ATAD5: variants seen among roughly 807,000 people sequenced by gnomAD.
ATAD5 encodes ATPase family AAA domain containing 5.
ATAD5 carries 58 observed loss-of-function variants against 176.9 expected under a neutral mutation model. The ratio of observed to expected loss-of-function variants is 0.33; its 90% CI spans 0.27 to 0.41. The LOEUF (loss-of-function observed/expected upper bound fraction) is 0.41. Ranked by LOEUF, ATAD5 falls within the 10% of genes least tolerant of loss-of-function variation. ATAD5 has a pLI of 1.00. For missense variants in ATAD5, 1,789 were observed against 2,094.1 expected, an observed-to-expected ratio of 0.85 and a Z score of 2.84; for synonymous variants, 640 against 712.6, an observed-to-expected ratio of 0.90 and a Z score of 1.62.
Position 30,873,715 on chromosome 17 carries a change from G to A in ATAD5, c.3608-2659G>A, listed in dbSNP as rs527501665. Among the ~76,000 whole-genome samples, 404 of 134,288 alleles carry A rather than the reference G, an allele frequency of 3.0e-3. 3 individuals are homozygous for A. The highest frequency in any genetic ancestry group is 0.012 in the African/African-American group (375 of 31,108). The allele number at this position is 134,288 out of a possible 152,430, so 88.1% of individuals were successfully genotyped here. On this transcript the variant is annotated intron_variant, in intron 14 of 22. Coordinates refer to ENST00000321990, the MANE Select transcript of ATAD5 (RefSeq NM_024857.5). ...TTTTTTTTTTTTTTTTTGAAAAGAC[G>A]GGGTCTTCCTCTGTTGCCAAGGTTG...
intron 19 of ATAD5, among the ~76,000 whole-genome samples, chr17:30,889,822 GT>G (rs761964765): frequency 7.0e-6 from 1 of 143,252 alleles, no homozygotes; most frequent in African/African-American, 2.6e-5. Context: ...ATCCTTATCA[GT>G]TTTTTCTTCT....
In ATAD5 at chr17:30,835,539, A is replaced by C. The variant is rs374518062; in HGVS notation, c.1458A>C (p.Leu486Phe). The C allele has an allele frequency of 6.2e-7, 1 of 1,609,220 alleles. No homozygotes were observed. The highest frequency in any genetic ancestry group is 1.7e-5 in the Admixed American group (1 of 59,038). ...KKLKKKNKKT[L>F]DTGAIPGKNR... is the part of the protein sequence containing the mutation. ...TAAAGAAGAAGAATAAGAAAACATTAGATACTGGGGCTATTCCAGGCAAAA... is the reference window on the plus strand; with the variant it reads ...TAAAGAAGAAGAATAAGAAAACATTCGATACTGGGGCTATTCCAGGCAAAA... The change falls in exon 2 of 23, where the codon TTA (leucine) becomes TTC (phenylalanine). Residue 486 changes from leucine to phenylalanine, a missense_variant. This residue lies in a region of ATAD5 where 696 missense variants were observed against 712.5 expected (regional missense o/e 0.98). Transcript: ENST00000321990.
intron 14 of ATAD5, among the ~76,000 whole-genome samples, chr17:30,873,340 ACGGAGTCTTGCT>A (rs1908450073): frequency 7.2e-6 from 1 of 139,364 alleles, no homozygotes; most frequent in South Asian, 2.2e-4. Flanking sequence ...TTTTTTTGAG[ACGGAGTCTTGCT>A]CTGTCACGAG....
Position 30,835,519 on chromosome 17 carries a change from A to C in ATAD5, c.1438A>C (p.Lys480Gln), listed in dbSNP as rs920737223. ...GAAGGAGAAAAATAAAAAGCTAAAG[A>C]AGAAGAATAAGAAAACATTAGATAC... The part of the protein sequence containing the change: ...FLKEKNKKLK[K>Q]KNKKTLDTGA... Residue 480 changes from lysine (K) to glutamine (Q), a missense_variant, in exon 2 of 23, where the codon AAG becomes CAG. Physicochemically the swap from Lys to Gln is moderately conservative, Grantham distance 53. Coordinates refer to ENST00000321990, the MANE Select transcript of ATAD5 (RefSeq NM_024857.5). 4 of 1,606,512 alleles carry C rather than the reference A, an allele frequency of 2.5e-6. No homozygotes were observed. The highest frequency in any genetic ancestry group is 3.4e-6 in the Non-Finnish European group (4 of 1,178,348).
At chr17:30,849,673 C>T (rs1906750237) in intron 6 of ATAD5, among the ~76,000 whole-genome samples, 3 of 152,010 alleles carry the variant, frequency 2.0e-5, no homozygotes, top group Middle Eastern at 3.4e-3. Flanking sequence ...TTTATATATT[C>T]TGACTACATG....
In ATAD5 at chr17:30,856,990, C is replaced by T; in HGVS notation, c.2671C>T (p.Pro891Ser). The T allele has an allele frequency of 6.2e-7, 1 of 1,601,034 alleles. No homozygotes were observed. The highest frequency in any genetic ancestry group is 1.1e-5 in the South Asian group (1 of 87,852). The change falls in exon 8 of 23, where the codon CCT (proline) becomes TCT (serine). Residue 891 changes from proline to serine, a missense_variant. By Grantham distance (74) the Pro-to-Ser change is moderately conservative (BLOSUM62 -1). Coordinates refer to ENST00000321990, the MANE Select transcript of ATAD5 (RefSeq NM_024857.5). ...GTGGCATTTGAAACCACCCTCTTGT[C>T]CTCTCTTAACTAAATTTAAAGAACT... ...CLWHLKPPSC[P>S]LLTKFKELNT...
chr17:30,854,366 T>A (rs947305968), intron 6 of ATAD5, among the ~76,000 whole-genome samples: 8 of 115,292 alleles, frequency 6.9e-5, no homozygotes, highest in African/African-American at 2.6e-4. Flanking sequence ...TAAATTAATT[T>A]AAATTTTTTT....
intron 20 of ATAD5, 124 bp from the exon 21 acceptor site, chr17:30,893,170 A>T: frequency 1.0e-6 from 1 of 991,752 alleles, no homozygotes; most frequent in Non-Finnish European, 1.4e-6. Flanking sequence ...GATAAATAAA[A>T]TTATGAGGGG....
At chr17:30,859,654 C>A (rs541100277) in intron 9 of ATAD5, among the ~76,000 whole-genome samples, 2 of 152,196 alleles carry the variant, frequency 1.3e-5, no homozygotes, top group South Asian at 4.1e-4. Context: ...AGCCACCATA[C>A]CTGGCCTATT....
intron 4 of ATAD5, among the ~76,000 whole-genome samples, chr17:30,842,026 TTTG>T (rs1324502455): frequency 1.3e-5 from 2 of 152,118 alleles, no homozygotes; most frequent in African/African-American, 2.4e-5. Flanking sequence ...ATCCCAGCAC[TTTG>T]AGAGGCTGAG....
chr17:30,850,864 TATATA>T (rs1427325739), intron 6 of ATAD5, among the ~76,000 whole-genome samples: 6 of 33,202 alleles, frequency 1.8e-4, no homozygotes, highest in Admixed American at 5.1e-4. Flanking sequence ...TATATATATA[TATATA>T]TTTTTTTTTT....
At position 30,837,241 on chromosome 17, in the gene ATAD5, C is replaced by T; in HGVS notation, c.2003C>T (p.Ser668Phe). 6.4e-7 allele frequency: 1 copy of T among 1,574,040 alleles called. No homozygotes were observed. The highest frequency in any genetic ancestry group is 1.4e-5 in the African/African-American group (1 of 72,726). ...KFTRISTPKK[S>F]KKKSNKRSEK... Reference sequence around the variant, plus strand: ...ACCAGAATTAGTACTCCCAAAAAATCTAAGAAAAAATCTAACAAAAGATCT... The same window carrying T: ...ACCAGAATTAGTACTCCCAAAAAATTTAAGAAAAAATCTAACAAAAGATCT... Residue 668 changes from serine (S) to phenylalanine (F), a missense_variant, in exon 3 of 23, where the codon TCT (serine) becomes TTT (phenylalanine). By Grantham distance (155) the Ser-to-Phe change is radical. Around this residue, in one of 6 missense-constraint regions of ATAD5, gnomAD observed 487 missense variants for 573.6 expected, o/e 0.85. Coordinates refer to ENST00000321990, the MANE Select transcript of ATAD5 (RefSeq NM_024857.5).
Position 30,893,496 on chromosome 17 carries a change from C to G in ATAD5, c.4643C>G (p.Ala1548Gly), listed in dbSNP as rs769344329. The G allele has an allele frequency of 6.2e-7, 1 of 1,612,610 alleles. No homozygotes were observed. The highest frequency in any genetic ancestry group is 8.5e-7 in the Non-Finnish European group (1 of 1,179,576). ...GCAACAAAAAGTATGAATTGTCTTGCTAGGAAACACTCTGAAAGAGAACAG... is the reference window on the plus strand; with the variant it reads ...GCAACAAAAAGTATGAATTGTCTTGGTAGGAAACACTCTGAAAGAGAACAG... Reference protein sequence around the residue: ...SAATKSMNCLARKHSEREQPL... With the variant: ...SAATKSMNCLGRKHSEREQPL... The change falls in exon 21 of 23, where the codon GCT becomes GGT. Residue 1548 changes from alanine (A) to glycine (G), a missense_variant. Physicochemically the swap from Ala to Gly is moderately conservative, Grantham distance 60 (BLOSUM62 0). This residue lies in a region of ATAD5 where 403 missense variants were observed against 495.1 expected (regional missense o/e 0.81). Coordinates refer to ENST00000321990, the MANE Select transcript of ATAD5 (RefSeq NM_024857.5).
intron 4 of ATAD5, among the ~76,000 whole-genome samples, chr17:30,841,429 T>C (rs1016599100): frequency 2.6e-5 from 4 of 152,228 alleles, no homozygotes; most frequent in African/African-American, 9.6e-5. Flanking sequence ...GAGGAATTCC[T>C]ACTTAAACTT....
chr17:30,847,327 T>TATAG (rs918823567), intron 6 of ATAD5, among the ~76,000 whole-genome samples: 3,879 of 150,528 alleles, frequency 0.026, 112 homozygotes, highest in African/African-American at 0.074. Flanking sequence ...TATATATATA[T>TATAG]AGAGAGAGAG....
At chr17:30,883,035 A>C (rs1909113457) in intron 18 of ATAD5, among the ~76,000 whole-genome samples, 1 of 152,166 alleles carries the variant, frequency 6.6e-6, no homozygotes, top group African/African-American at 2.4e-5. Context: ...ATAGTATATG[A>C]ATTATATCTA....
At position 30,878,510 on chromosome 17, in the gene ATAD5, C is replaced by G. The variant is rs1451355625; in HGVS notation, c.4012+414C>G. On this transcript the variant is annotated intron_variant, in intron 17 of 22. Transcript: ENST00000321990. ...CATCAGCCTAATAGAATTGATCCAT[C>G]TTCTAAAGAATTATCACAGAATGTT... 2.0e-5 allele frequency among the ~76,000 whole-genome samples: 3 copies of G among 152,058 alleles called. No individual in the cohort carries two copies. In the East Asian group the frequency reaches 5.8e-4, roughly 29 times the overall value.
chr17:30,858,244 A>G lies in ATAD5; in HGVS notation c.2877A>G (p.Ser959=). 7 of 1,600,096 alleles carry G rather than the reference A, an allele frequency of 4.4e-6. No homozygotes were observed. The highest frequency in any genetic ancestry group is 5.1e-6 in the Non-Finnish European group (6 of 1,173,396). The change falls in exon 9 of 23, where the codon TCA becomes TCG. Residue 959 remains serine, a synonymous_variant. Transcript: ENST00000321990. ...TTAGGTGGTCAAATCCTGAATTTTCATTGAAAAAATATTTTCCCTTACTCC... is the reference window on the plus strand; with the variant it reads ...TTAGGTGGTCAAATCCTGAATTTTCGTTGAAAAAATATTTTCCCTTACTCC... ...EEIRWSNPEF[S]LKKYFPLLLK...
At chr17:30,866,185 ATT>A (rs542432593) in intron 11 of ATAD5, among the ~76,000 whole-genome samples, 5,759 of 78,392 alleles carry the variant, frequency 0.073, 73 homozygotes, top group African/African-American at 0.1. Context: ...GAATTTACAA[ATT>A]TTTTTTTTTT....
Sources: allele counts gnomAD v4.1 joint callset (sites outside exome capture counted in the v4.1 genomes callset), GRCh38; gene constraint gnomAD v4.1.1; regional missense constraint gnomAD v4.1.1; transcripts MANE v1.5; gene names NCBI Gene and HGNC (gene_info 2026-07-23, HGNC 2026-07-21).